The following MUC7 variants were observed in gnomAD, a reference collection of about 807,000 sequenced individuals.
MUC7 encodes the protein mucin 7, secreted, also known as mucin-7.
MUC7 carries 2 observed loss-of-function variants against 2.5 expected under a neutral mutation model. The ratio of observed to expected loss-of-function variants is 0.81; its 90% CI spans 0.33 to 2.55. The LOEUF (loss-of-function observed/expected upper bound fraction) is 2.55, where lower values mean the gene tolerates loss of function less well. Among genes scored for constraint, MUC7 ranks in the 30% most tolerant of loss-of-function variants. MUC7 has a pLI of 0.11. For missense variants in MUC7, 408 were observed against 455.6 expected, an observed-to-expected ratio of 0.90 and a Z score of 0.95; for synonymous variants, 133 against 173.4, an observed-to-expected ratio of 0.77 and a Z score of 1.83.
intron 1 of MUC7, among the ~76,000 whole-genome samples, chr4:70,448,247 T>C (rs754728968): frequency 2.6e-5 from 4 of 152,168 alleles, no homozygotes; most frequent in Non-Finnish European, 4.4e-5. Context: ...GCAATATATA[T>C]GGGAGTGCAG....
chr4:70,474,102 TC>T, intron 2 of MUC7, 27 bp downstream of exon 2: 1 of 1,596,480 alleles, frequency 6.3e-7, no homozygotes, highest in Non-Finnish European at 8.6e-7. Flanking sequence ...ATAAGTTTTT[TC>T]CTTAACTATC....
At chr4:70,440,816 G>GAGGAAA (rs1560545178) in intron 1 of MUC7, among the ~76,000 whole-genome samples, 2 of 152,006 alleles carry the variant, frequency 1.3e-5, no homozygotes, top group Non-Finnish European at 2.9e-5. Flanking sequence ...GAGGGAAAGA[G>GAGGAAA]AATGGATGAG....
intron 1 of MUC7, among the ~76,000 whole-genome samples, chr4:70,461,091 G>A (rs1166739359): frequency 6.6e-6 from 1 of 152,184 alleles, no homozygotes; most frequent in Non-Finnish European, 1.5e-5. Flanking sequence ...GGGGCTCCGA[G>A]CTTATCTTGG....
At position 70,481,783 on chromosome 4, in the gene MUC7, C is replaced by T. The variant is rs1412409585; in HGVS notation, c.1039C>T (p.Pro347Ser). Residue 347 changes from proline (P) to serine (S), a missense_variant, in exon 3 of 3, where the codon CCA becomes TCA. By Grantham distance (74) the Pro-to-Ser change is moderately conservative (BLOSUM62 -1). Coordinates refer to ENST00000304887, the MANE Select transcript of MUC7 (RefSeq NM_152291.3). ...TACTCAAACTACTACTACTAAACAA[C>T]CAACTTCAGCTCCTGGCCAAAATAA... ...VTTQTTTTKQPTSAPGQNKIS... is the reference protein window; with the variant it reads ...VTTQTTTTKQSTSAPGQNKIS... 1.2e-6 allele frequency: 2 copies of T among 1,614,194 alleles called. No homozygotes were observed. Among genetic ancestry groups the T allele is most frequent in the Non-Finnish European group, 1.7e-6 (2 of 1,180,022 alleles).
upstream of MUC7, among the ~76,000 whole-genome samples, chr4:70,471,685 G>A (rs1734839427): frequency 6.6e-6 from 1 of 152,120 alleles, no homozygotes; most frequent in African/African-American, 2.4e-5. Context: ...GTCAAAAATT[G>A]TTTTTAATTA....
intron 2 of MUC7, among the ~76,000 whole-genome samples, chr4:70,474,674 C>A (rs1168027538): frequency 6.6e-6 from 1 of 151,996 alleles, no homozygotes; most frequent in African/African-American, 2.4e-5. Context: ...AGAACTGACA[C>A]AGATGAAAAC....
At chr4:70,478,817 C>G (rs1364651570) in intron 2 of MUC7, among the ~76,000 whole-genome samples, 1 of 143,082 alleles carries the variant, frequency 7.0e-6, no homozygotes, top group Non-Finnish European at 1.6e-5. Context: ...AAACAACTAC[C>G]CCTGTAATGG....
chr4:70,455,971 C>G (rs1734400795), intron 1 of MUC7, among the ~76,000 whole-genome samples: 1 of 152,152 alleles, frequency 6.6e-6, no homozygotes, highest in Non-Finnish European at 1.5e-5. Context: ...GCAGAGTTCT[C>G]AAGAAGTTCC....
chr4:70,473,226 G>A (rs755359537), intron 1 of MUC7, among the ~76,000 whole-genome samples: 1 of 152,112 alleles, frequency 6.6e-6, no homozygotes, highest in Non-Finnish European at 1.5e-5. Flanking sequence ...CTTGAGCCCA[G>A]GAGTTCAGGA....
chr4:70,455,906 G>C (rs117081452), intron 1 of MUC7, among the ~76,000 whole-genome samples: 4 of 152,032 alleles, frequency 2.6e-5, no homozygotes, highest in Non-Finnish European at 5.9e-5. Flanking sequence ...CCCTCTTCTT[G>C]TGCCTCCCTA....
intron 1 of MUC7, among the ~76,000 whole-genome samples, chr4:70,445,662 C>T (rs778350765): frequency 2.6e-5 from 4 of 152,106 alleles, no homozygotes; most frequent in Non-Finnish European, 5.9e-5. Flanking sequence ...CCACATAAAT[C>T]CCAACCCAGT....
chr4:70,434,825 C>A (rs1024993490), intron 1 of MUC7, among the ~76,000 whole-genome samples: 27 of 152,236 alleles, frequency 1.8e-4, no homozygotes, highest in African/African-American at 6.3e-4. Flanking sequence ...ATCTTTCCTG[C>A]TTTCTCTTGT....
At chr4:70,468,672 T>A (rs542966287), upstream of MUC7, among the ~76,000 whole-genome samples, 155 of 152,192 alleles carry the variant, frequency 1.0e-3, no homozygotes, top group African/African-American at 3.5e-3. Context: ...ACAAAGAGAA[T>A]AAAATACCTA....
chr4:70,457,132 A>G (rs748186323), intron 1 of MUC7, among the ~76,000 whole-genome samples: 1 of 152,200 alleles, frequency 6.6e-6, no homozygotes, highest in Non-Finnish European at 1.5e-5. Context: ...AGAACAATGT[A>G]GCCATTTGAC....
chr4:70,454,029 A>G (rs920713091), intron 1 of MUC7, among the ~76,000 whole-genome samples: 3 of 151,676 alleles, frequency 2.0e-5, no homozygotes, highest in Admixed American at 6.6e-5. Context: ...ACAAGACAAA[A>G]TCCTCTTTAC....
chr4:70,475,311 C>T (rs368985856), intron 2 of MUC7, among the ~76,000 whole-genome samples: 20 of 152,060 alleles, frequency 1.3e-4, no homozygotes, highest in Admixed American at 3.9e-4. Flanking sequence ...TGAACAAAAA[C>T]GTTCTAGTTT....
intron 1 of MUC7, among the ~76,000 whole-genome samples, chr4:70,454,600 TG>T (rs1227356956): frequency 2.6e-5 from 4 of 152,236 alleles, no homozygotes; most frequent in African/African-American, 9.6e-5. Flanking sequence ...TTCAGTGATA[TG>T]AAGTTAAAAC....
chr4:70,450,144 A>G (rs977855994), intron 1 of MUC7, among the ~76,000 whole-genome samples: 4 of 152,232 alleles, frequency 2.6e-5, no homozygotes, highest in Non-Finnish European at 4.4e-5. Context: ...GTACTGCAGC[A>G]GTGCTGGCAC....
At chr4:70,463,346 C>A (rs1337407947) in intron 1 of MUC7, among the ~76,000 whole-genome samples, 1 of 152,184 alleles carries the variant, frequency 6.6e-6, no homozygotes, top group Non-Finnish European at 1.5e-5. Flanking sequence ...TGGGGGTCAA[C>A]ATAAAAAGCA....
Sources: gnomAD v4.1 joint callset for allele counts (sites outside exome capture counted in the v4.1 genomes callset) on GRCh38, gnomAD v4.1.1 for gene constraint, MANE v1.5 for transcripts, NCBI Gene and HGNC (gene_info 2026-07-23, HGNC 2026-07-21) for gene names.